The following CA10 variants were observed in gnomAD, a reference collection of about 807,000 sequenced individuals.
CA10 encodes carbonic anhydrase 10 (inactive).
In CA10, 14 loss-of-function variants were observed where a neutral mutation model predicts 44.2. The observed-to-expected ratio is 0.32, with a 90% CI of 0.21 to 0.50. The LOEUF (loss-of-function observed/expected upper bound fraction) is 0.50. CA10 is among the 20% of genes least tolerant of loss of function. CA10 has a pLI of 0.99. For synonymous variants in CA10, 159 were observed against 141.6 expected, an observed-to-expected ratio of 1.12 and a Z score of -0.87; for missense variants, 350 against 409.7, an observed-to-expected ratio of 0.85 and a Z score of 1.26.
chr17:51,773,631 C>A (rs547319479), intron 3 of CA10, among the ~76,000 whole-genome samples: 2 of 152,224 alleles, frequency 1.3e-5, no homozygotes, highest in African/African-American at 4.8e-5. Context: ...CCTCAGTTTA[C>A]CCCTCTGTGA....
At chr17:52,009,034 C>T (rs1399867578) in intron 2 of CA10, among the ~76,000 whole-genome samples, 3 of 151,958 alleles carry the variant, frequency 2.0e-5, no homozygotes, top group Non-Finnish European at 4.4e-5. Context: ...CAAGTGCTTC[C>T]TTTTGCCATT....
At chr17:51,662,572 G>A (rs902640639) in intron 4 of CA10, among the ~76,000 whole-genome samples, 6 of 152,180 alleles carry the variant, frequency 3.9e-5, no homozygotes, top group African/African-American at 9.7e-5. Context: ...CTATAAGCTA[G>A]AACTTATTTA....
rs1980724596 is a variant in CA10 at position 51,888,771 on chromosome 17, G to A, written c.279+42219C>T. Among the ~76,000 whole-genome samples, 3 of 152,168 alleles carry A rather than the reference G, an allele frequency of 2.0e-5. No homozygotes were observed. In the South Asian group the frequency reaches 6.2e-4, roughly 32 times the overall value. ...GAGAGAAAAATAATCTTTGTAGTGT[G>A]TTCTGCTGTTCCCATTACCTATTGC... On this transcript the variant is annotated intron_variant, in intron 3 of 8. Coordinates refer to ENST00000451037, the MANE Select transcript of CA10 (RefSeq NM_020178.5).
At chr17:51,917,884 A>G (rs1982068049) in intron 3 of CA10, among the ~76,000 whole-genome samples, 1 of 152,168 alleles carries the variant, frequency 6.6e-6, no homozygotes, top group East Asian at 1.9e-4. Flanking sequence ...ACTCCAGTTA[A>G]ACTATCATCT....
At chr17:51,937,906 C>T (rs930027594) in intron 2 of CA10, among the ~76,000 whole-genome samples, 9 of 152,084 alleles carry the variant, frequency 5.9e-5, no homozygotes, top group African/African-American at 2.2e-4. Context: ...AGTCTTGTAA[C>T]TAGTTAAAAC....
chr17:51,849,826 G>A (rs1978709997), intron 3 of CA10, among the ~76,000 whole-genome samples: 1 of 152,154 alleles, frequency 6.6e-6, no homozygotes, highest in Non-Finnish European at 1.5e-5. Flanking sequence ...CATGCCGAGG[G>A]CTGTGACCAC....
chr17:52,072,436 A>G (rs1987703579), intron 1 of CA10, 43 bp from the exon 2 acceptor site: 2 of 1,415,582 alleles, frequency 1.4e-6, no homozygotes, highest in Non-Finnish European at 1.0e-6. Context: ...GATAGCAGAG[A>G]AGCACTGTGT....
intron 4 of CA10, among the ~76,000 whole-genome samples, chr17:51,689,721 G>C (rs1038504165): frequency 6.6e-6 from 1 of 152,014 alleles, no homozygotes; most frequent in African/African-American, 2.4e-5. Context: ...TGTGGTGCAG[G>C]CAACATGCCT....
chr17:51,878,133 G>A (rs1266477463), intron 3 of CA10, among the ~76,000 whole-genome samples: 48 of 102,858 alleles, frequency 4.7e-4, no homozygotes, highest in African/African-American at 1.8e-3. Flanking sequence ...GACAGAGCAT[G>A]ACTCCGTCTC....
intron 2 of CA10, among the ~76,000 whole-genome samples, chr17:51,952,895 C>G: frequency 6.6e-6 from 1 of 152,072 alleles, no homozygotes; most frequent in Non-Finnish European, 1.5e-5. Context: ...GAAAACCCAT[C>G]CAGAGACTTA....
Position 51,941,340 on chromosome 17 carries a change from G to A in CA10, c.137-10208C>T, listed in dbSNP as rs111915345. Among the ~76,000 whole-genome samples, 344 of 152,280 alleles carry A rather than the reference G, an allele frequency of 2.3e-3. No individual in the cohort carries two copies. In the Middle Eastern group the frequency reaches 0.037, roughly 17 times the overall value. On this transcript the variant is annotated intron_variant, in intron 2 of 8. Coordinates refer to ENST00000451037, the MANE Select transcript of CA10 (RefSeq NM_020178.5). ...ACAGGAAGGCATAAAAGACAGTCTG[G>A]TTGACGTAGGCATTAAGCTCTTGTG...
chr17:51,968,059 T>A (rs1984146362), intron 2 of CA10, among the ~76,000 whole-genome samples: 2 of 151,828 alleles, frequency 1.3e-5, no homozygotes, highest in African/African-American at 2.4e-5. Flanking sequence ...GTCAGAGACA[T>A]CCCAAGTGTG....
intron 3 of CA10, among the ~76,000 whole-genome samples, chr17:51,855,549 A>T (rs979805274): frequency 3.9e-5 from 6 of 152,214 alleles, no homozygotes; most frequent in Non-Finnish European, 1.5e-5. Flanking sequence ...AAGAAATGCA[A>T]AGAAACAAAG....
chr17:52,084,048 A>AGCCT (rs1193854086), intron 1 of CA10, among the ~76,000 whole-genome samples: 2 of 152,180 alleles, frequency 1.3e-5, no homozygotes, highest in Non-Finnish European at 2.9e-5. Flanking sequence ...AGACTTAAAG[A>AGCCT]GCCTCTGAGG....
chr17:51,782,871 C>T (rs939324304), intron 3 of CA10, among the ~76,000 whole-genome samples: 2 of 152,148 alleles, frequency 1.3e-5, no homozygotes, highest in African/African-American at 2.4e-5. Flanking sequence ...GTAGCAGTGA[C>T]GTATCAGTGT....
At chr17:51,648,672 A>G (rs1290412216) in intron 6 of CA10, among the ~76,000 whole-genome samples, 2 of 152,156 alleles carry the variant, frequency 1.3e-5, no homozygotes, top group East Asian at 3.9e-4. Flanking sequence ...TGGAAACCCA[A>G]GGAAACTGGA....
intron 4 of CA10, among the ~76,000 whole-genome samples, chr17:51,670,494 T>G (rs1361441199): frequency 6.6e-6 from 1 of 152,070 alleles, no homozygotes; most frequent in Non-Finnish European, 1.5e-5. Flanking sequence ...TTCCTTTTTT[T>G]TTTTTCCCCC....
chr17:51,865,902 G>A (rs967083187), intron 3 of CA10, among the ~76,000 whole-genome samples: 1 of 152,198 alleles, frequency 6.6e-6, no homozygotes, highest in Non-Finnish European at 1.5e-5. Context: ...AGGAAACCAC[G>A]TTGATTCTGT....
At chr17:52,021,886 T>C (rs1015119075) in intron 2 of CA10, among the ~76,000 whole-genome samples, 1 of 151,980 alleles carries the variant, frequency 6.6e-6, no homozygotes, top group Admixed American at 6.6e-5. Context: ...AACAATAACA[T>C]GTGCCAGAAT....
Sources: gnomAD v4.1 joint callset for allele counts (sites outside exome capture counted in the v4.1 genomes callset) on GRCh38, gnomAD v4.1.1 for gene constraint, MANE v1.5 for transcripts, NCBI Gene and HGNC (gene_info 2026-07-23, HGNC 2026-07-21) for gene names.